The following YES1 variants were observed in gnomAD, a reference collection of about 807,000 sequenced individuals.
The protein encoded by YES1 is YES proto-oncogene 1, Src family tyrosine kinase.
In YES1, 39 loss-of-function variants were observed where a neutral mutation model predicts 70.4. The ratio of observed to expected loss-of-function variants is 0.55; its 90% confidence interval spans 0.43 to 0.72. The LOEUF (loss-of-function observed/expected upper bound fraction) is 0.72. Ranked by LOEUF, YES1 falls within the 30% of genes least tolerant of loss-of-function variation. The pLI, the probability that YES1 is intolerant of heterozygous loss-of-function variation, is 0.00. For synonymous variants in YES1, 198 were observed against 218.6 expected, an observed-to-expected ratio of 0.91 and a Z score of 0.83; for missense variants, 495 against 644.8, an observed-to-expected ratio of 0.77 and a Z score of 2.52.
intron 3 of YES1, among the ~76,000 whole-genome samples, chr18:748,280 C>T (rs1199569058): frequency 6.6e-6 from 1 of 151,764 alleles, no homozygotes; most frequent in East Asian, 1.9e-4. Flanking sequence ...TTTTTTAACA[C>T]AATTCTTTCA....
chr18:801,736 T>C (rs957552626), intron 1 of YES1, among the ~76,000 whole-genome samples: 2 of 152,136 alleles, frequency 1.3e-5, no homozygotes, highest in Non-Finnish European at 2.9e-5. Context: ...AGAGAGAATA[T>C]ATAGACTTCA....
chr18:746,598 TAGAACAAA>T (rs1292774334), intron 4 of YES1, among the ~76,000 whole-genome samples: 1 of 152,114 alleles, frequency 6.6e-6, no homozygotes, highest in Non-Finnish European at 1.5e-5. Context: ...AGCACCATAG[TAGAACAAA>T]GAGTTATTGA....
chr18:763,184 C>T (rs1904682611), intron 1 of YES1, among the ~76,000 whole-genome samples: 1 of 152,010 alleles, frequency 6.6e-6, no homozygotes, highest in South Asian at 2.1e-4. Context: ...GGACAGGCAG[C>T]TAGAGGAGAT....
At chr18:808,985 T>C (rs1381757874) in intron 1 of YES1, among the ~76,000 whole-genome samples, 1 of 152,212 alleles carries the variant, frequency 6.6e-6, no homozygotes, top group East Asian at 1.9e-4. Flanking sequence ...ATTACTGTTC[T>C]AGAAAACCGA....
At chr18:726,302 G>T (rs1376610794) in intron 11 of YES1, among the ~76,000 whole-genome samples, 1 of 152,046 alleles carries the variant, frequency 6.6e-6, no homozygotes, top group Non-Finnish European at 1.5e-5. Flanking sequence ...GTGGGCATCT[G>T]TAGTCCCAGC....
chr18:755,794 T>TG (rs1217707225), intron 2 of YES1, among the ~76,000 whole-genome samples: 1 of 152,192 alleles, frequency 6.6e-6, no homozygotes, highest in Non-Finnish European at 1.5e-5. Context: ...TATCAAGGAA[T>TG]CCTGAAACTC....
intron 1 of YES1, among the ~76,000 whole-genome samples, chr18:778,384 TCTA>T (rs1322817000): frequency 1.3e-5 from 2 of 152,220 alleles, no homozygotes; most frequent in African/African-American, 2.4e-5. Context: ...TATGGCACAA[TCTA>T]CTAACTTTGG....
chr18:746,176 A>G, intron 4 of YES1, 125 bp from the exon 5 acceptor site: 2 of 651,842 alleles, frequency 3.1e-6, no homozygotes, highest in Non-Finnish European at 5.4e-6. Flanking sequence ...CATGGCTCAA[A>G]ATACAGGAAA....
intron 3 of YES1, among the ~76,000 whole-genome samples, 172 bp from the exon 4 acceptor site, chr18:748,190 ATGAATTAAAGGAAG>A (rs748672426): frequency 2.0e-5 from 3 of 152,246 alleles, no homozygotes; most frequent in Non-Finnish European, 4.4e-5. Flanking sequence ...AATAGGTTAC[ATGAATTAAAGGAAG>A]CACAATTGCA....
chr18:755,140 T>C (rs1488012774), intron 2 of YES1, among the ~76,000 whole-genome samples: 1 of 152,184 alleles, frequency 6.6e-6, no homozygotes, highest in African/African-American at 2.4e-5. Flanking sequence ...CATCTACTAC[T>C]GAAGTATTCA....
chr18:779,129 G>A (rs967287711), intron 1 of YES1, among the ~76,000 whole-genome samples: 2 of 152,142 alleles, frequency 1.3e-5, no homozygotes, highest in African/African-American at 4.8e-5. Flanking sequence ...GGAATTTTAT[G>A]GATGGGGGCA....
chr18:785,566 T>A (rs919783156), intron 1 of YES1, among the ~76,000 whole-genome samples: 4 of 152,140 alleles, frequency 2.6e-5, no homozygotes, highest in African/African-American at 9.7e-5. Context: ...TGATACTCTA[T>A]GCTATGGTTT....
chr18:786,088 C>T (rs1305438179), intron 1 of YES1, among the ~76,000 whole-genome samples: 4 of 152,194 alleles, frequency 2.6e-5, no homozygotes, highest in Non-Finnish European at 5.9e-5. Context: ...AAGTAAATTT[C>T]TCTTCTTTAT....
At chr18:759,185 G>A (rs548097666) in intron 1 of YES1, among the ~76,000 whole-genome samples, 28 of 152,324 alleles carry the variant, frequency 1.8e-4, no homozygotes, top group South Asian at 1.5e-3. Flanking sequence ...ATATAACCGG[G>A]GCTAGGCGCG....
intron 11 of YES1, among the ~76,000 whole-genome samples, chr18:726,211 G>A (rs1220136171): frequency 6.6e-6 from 1 of 152,094 alleles, no homozygotes; most frequent in Non-Finnish European, 1.5e-5. Flanking sequence ...AGATCACGAG[G>A]TCAAGAGATT....
intron 11 of YES1, 59 bp from the exon 12 acceptor site, chr18:724,691 TAAC>T: frequency 7.1e-7 from 1 of 1,399,228 alleles, no homozygotes; most frequent in Non-Finnish European, 1.0e-6. Flanking sequence ...TAGGAAAACA[TAAC>T]AAACCCCCTA....
At chr18:801,372 A>G (rs1468616283) in intron 1 of YES1, among the ~76,000 whole-genome samples, 1 of 152,128 alleles carries the variant, frequency 6.6e-6, no homozygotes, top group Admixed American at 6.6e-5. Flanking sequence ...ATAGAAGACT[A>G]TAAGAATGAG....
Position 793,331 on chromosome 18 carries a change from GC to G in YES1, c.-9+18782del, listed in dbSNP as rs1396663683. On this transcript the variant is annotated intron_variant, in intron 1 of 11. Transcript: ENST00000314574. ...TGGGATTACAGGCGTGAGCCACCGC[GC>G]CTGGCCATTATAATTATTACCTGAA... Among the ~76,000 whole-genome samples, 5 of 152,016 alleles carry G rather than the reference GC, an allele frequency of 3.3e-5. No individual in the cohort carries two copies. The East Asian group carries it at 9.7e-4, about 29-fold the overall frequency.
chr18:744,795 G>C (rs1022024459), intron 6 of YES1, among the ~76,000 whole-genome samples: 10 of 148,912 alleles, frequency 6.7e-5, no homozygotes, highest in African/African-American at 2.0e-4. Flanking sequence ...CAGTAGTTGG[G>C]ATTAAAGGCA....
Sources: allele counts gnomAD v4.1 joint callset (sites outside exome capture counted in the v4.1 genomes callset), GRCh38; gene constraint gnomAD v4.1.1; transcripts MANE v1.5; gene names NCBI Gene and HGNC (gene_info 2026-07-23, HGNC 2026-07-21).